The following SGCZ variants were observed in gnomAD, a reference collection of about 807,000 sequenced individuals.
The protein encoded by SGCZ is sarcoglycan zeta, also known as zeta-sarcoglycan.
In SGCZ, 40 loss-of-function variants were observed where a neutral mutation model predicts 41.3. The observed-to-expected ratio is 0.97, with a 90% CI of 0.75 to 1.26. The LOEUF (loss-of-function observed/expected upper bound fraction) is 1.26, where lower values mean the gene tolerates loss of function less well. SGCZ is among the 50% of genes most tolerant of loss of function. The pLI is 0.00. For missense variants in SGCZ, 552 were observed against 369.8 expected (o/e 1.49, Z -4.04); for synonymous variants, 206 against 137.5 (o/e 1.50, Z -3.49).
intron 5 of SGCZ, among the ~76,000 whole-genome samples, chr8:14,117,753 G>A (rs1273529835): frequency 6.6e-6 from 1 of 150,814 alleles, no homozygotes; most frequent in Non-Finnish European, 1.5e-5. Context: ...TCCCCTAATA[G>A]GCCCCAGTGT....
In SGCZ at chr8:14,633,674, C is replaced by A. The variant is rs1345348564; in HGVS notation, c.40-78748G>T. 1.3e-5 allele frequency among the ~76,000 whole-genome samples: 2 copies of A among 151,780 alleles called. 1 individual carries two copies. The highest frequency in any genetic ancestry group is 4.1e-4 in the South Asian group (2 of 4,830). On this transcript the variant is annotated intron_variant, in intron 1 of 7. Coordinates refer to ENST00000382080, the MANE Select transcript of SGCZ (RefSeq NM_139167.4). ...ACAGATCTTCTTACTTATTTGTATA[C>A]CTCTAATTTTAGATTAGCTTTATTT...
At chr8:14,892,379 A>G (rs1247815627) in intron 1 of SGCZ, among the ~76,000 whole-genome samples, 2 of 152,196 alleles carry the variant, frequency 1.3e-5, no homozygotes, top group Non-Finnish European at 2.9e-5. Flanking sequence ...CTGCACTGAA[A>G]TAAAAGCTAT....
chr8:14,090,240 A>C lies in SGCZ; in HGVS notation c.*203T>G, dbSNP rs1801644822. On this transcript the variant is annotated 3_prime_UTR_variant, in exon 8 of 8. Coordinates refer to ENST00000382080, the MANE Select transcript of SGCZ (RefSeq NM_139167.4). ...TTTTCCTGCTGACGACGCTTTTTCCACTGCTGTGTCAATCACACCCTCTGT... is the reference window on the plus strand; with the variant it reads ...TTTTCCTGCTGACGACGCTTTTTCCCCTGCTGTGTCAATCACACCCTCTGT... 1 of 440,370 alleles carries C rather than the reference A, an allele frequency of 2.3e-6. No individual in the cohort carries two copies. 27.3% of individuals were successfully genotyped at this position (440,370 alleles called of 1,614,324 possible).
At chr8:14,131,174 C>G (rs973278193) in intron 5 of SGCZ, among the ~76,000 whole-genome samples, 1 of 152,140 alleles carries the variant, frequency 6.6e-6, no homozygotes, top group African/African-American at 2.4e-5. Flanking sequence ...CAACGAATCT[C>G]TAGTATTAAC....
At chr8:14,258,811 T>G (rs185388456) in intron 3 of SGCZ, among the ~76,000 whole-genome samples, 1 of 152,130 alleles carries the variant, frequency 6.6e-6, no homozygotes, top group Non-Finnish European at 1.5e-5. Context: ...CGCAGCACAA[T>G]AGAAATAAAT....
chr8:15,156,241 T>C (rs1292165297), intron 1 of SGCZ, among the ~76,000 whole-genome samples: 11 of 152,156 alleles, frequency 7.2e-5, no homozygotes, highest in African/African-American at 2.2e-4. Context: ...AGACTATGAG[T>C]CCTGAAAGAC....
intron 1 of SGCZ, among the ~76,000 whole-genome samples, chr8:15,080,884 G>A (rs987566484): frequency 1.3e-5 from 2 of 152,006 alleles, no homozygotes; most frequent in African/African-American, 2.4e-5. Context: ...GAGCCACCGC[G>A]CCTGGCTCTG....
At chr8:14,695,642 A>G (rs1229535422) in intron 1 of SGCZ, among the ~76,000 whole-genome samples, 1 of 151,978 alleles carries the variant, frequency 6.6e-6, no homozygotes, top group Non-Finnish European at 1.5e-5. Context: ...AAAGGTGTGG[A>G]ACTATAAAAC....
chr8:14,680,964 G>GAAAAAAGAAGAAAAAAAAAAA (rs1808424573), intron 1 of SGCZ, among the ~76,000 whole-genome samples: 1 of 117,938 alleles, frequency 8.5e-6, no homozygotes, highest in Non-Finnish European at 1.7e-5. Flanking sequence ...AAAAGAGTGG[G>GAAAAAAGAAGAAAAAAAAAAA]AAAAAAAAAA....
chr8:14,439,597 G>A (rs946404128), intron 2 of SGCZ, among the ~76,000 whole-genome samples: 1 of 151,514 alleles, frequency 6.6e-6, no homozygotes, highest in Non-Finnish European at 1.5e-5. Context: ...AAACAGGGAG[G>A]TTTCCATGAA....
At chr8:14,605,289 G>C (rs537303847) in intron 1 of SGCZ, among the ~76,000 whole-genome samples, 49 of 151,992 alleles carry the variant, frequency 3.2e-4, no homozygotes, top group African/African-American at 1.1e-3. Context: ...GGTGCATAGT[G>C]AGTGTATATA....
chr8:14,280,516 A>G (rs1800386793), intron 3 of SGCZ, among the ~76,000 whole-genome samples: 1 of 151,910 alleles, frequency 6.6e-6, no homozygotes, highest in Non-Finnish European at 1.5e-5. Flanking sequence ...CATATGAAAT[A>G]TGACTCAAAG....
At chr8:14,361,841 T>C (rs910676339) in intron 2 of SGCZ, among the ~76,000 whole-genome samples, 1 of 152,208 alleles carries the variant, frequency 6.6e-6, no homozygotes, top group African/African-American at 2.4e-5. Context: ...GTTCTTAATG[T>C]TGGTGACCTA....
At chr8:14,513,327 A>G (rs947337983) in intron 2 of SGCZ, among the ~76,000 whole-genome samples, 6 of 152,092 alleles carry the variant, frequency 3.9e-5, no homozygotes, top group Non-Finnish European at 7.4e-5. Flanking sequence ...CATGAGCCAC[A>G]GTGCCAAACC....
chr8:14,608,270 T>C (rs1805816384), intron 1 of SGCZ, among the ~76,000 whole-genome samples: 1 of 151,820 alleles, frequency 6.6e-6, no homozygotes, highest in African/African-American at 2.4e-5. Flanking sequence ...CTTTTTTTTT[T>C]GTAAGTGTGG....
chr8:14,209,440 T>C (rs1033764172), intron 4 of SGCZ, among the ~76,000 whole-genome samples: 3 of 152,136 alleles, frequency 2.0e-5, no homozygotes, highest in Non-Finnish European at 4.4e-5. Context: ...CCTGGGTATA[T>C]ACCCCAGACA....
At chr8:14,896,436 C>CTTTTATTTATT (rs1160873379) in intron 1 of SGCZ, among the ~76,000 whole-genome samples, 1 of 141,292 alleles carries the variant, frequency 7.1e-6, no homozygotes, top group African/African-American at 2.9e-5. Context: ...TGATGGAAGA[C>CTTTTATTTATT]TTTTATTTAT....
intron 2 of SGCZ, among the ~76,000 whole-genome samples, chr8:14,325,792 A>C (rs1338235481): frequency 4.0e-5 from 5 of 125,416 alleles, no homozygotes; most frequent in Non-Finnish European, 5.0e-5. Flanking sequence ...ATATATATAT[A>C]TCAACCAGCA....
chr8:15,097,833 T>G, intron 1 of SGCZ, among the ~76,000 whole-genome samples: 1 of 48,314 alleles, frequency 2.1e-5, no homozygotes, highest in African/African-American at 7.7e-5. Flanking sequence ...TATATATATA[T>G]ACGTGTGTGT....
Sources: allele counts gnomAD v4.1 joint callset (sites outside exome capture counted in the v4.1 genomes callset), GRCh38; gene constraint gnomAD v4.1.1; transcripts MANE v1.5; gene names NCBI Gene and HGNC (gene_info 2026-07-23, HGNC 2026-07-21).